The following CUL4A variants were observed in gnomAD, a reference collection of about 807,000 sequenced individuals.
CUL4A encodes cullin 4A, also known as cullin-4A.
A neutral mutation model predicts 95.5 loss-of-function variants in CUL4A; 16 were observed. The observed-to-expected ratio is 0.17, with a 90% CI of 0.11 to 0.25. The LOEUF is 0.25. Among genes scored for constraint, CUL4A ranks in the 10% least tolerant of loss-of-function variants. CUL4A has a pLI of 1.00. For missense variants in CUL4A, 610 were observed against 937.0 expected (o/e 0.65, Z 4.56); for synonymous variants, 380 against 353.1 (o/e 1.08, Z -0.85).
intron 15 of CUL4A, 83 bp downstream of exon 15, chr13:113,246,146 AT>A: frequency 9.8e-7 from 1 of 1,016,230 alleles, no homozygotes; most frequent in Non-Finnish European, 1.5e-6. Context: ...GAATTGTTGA[AT>A]GGGGAGTTTT....
intron 18 of CUL4A, among the ~76,000 whole-genome samples, chr13:113,257,399 T>A (rs2139295052): frequency 6.6e-6 from 1 of 152,276 alleles, no homozygotes; most frequent in East Asian, 1.9e-4. Context: ...ACTGGGTAAT[T>A]TATAAAGAAG....
chr13:113,234,371 CAT>C (rs1170773370), intron 7 of CUL4A, among the ~76,000 whole-genome samples: 1 of 152,044 alleles, frequency 6.6e-6, no homozygotes, highest in African/African-American at 2.4e-5. Flanking sequence ...TGCGAAAAAA[CAT>C]GTAGTAGTAA....
At chr13:113,220,380 T>TCAAGAGATCAGTGA (rs2040852517) in intron 3 of CUL4A, among the ~76,000 whole-genome samples, 1 of 152,326 alleles carries the variant, frequency 6.6e-6, no homozygotes, top group South Asian at 2.1e-4. Flanking sequence ...ATGAGGTCGT[T>TCAAGAGATCAGTGA]CAAGAGATCA....
chr13:113,214,214 G>A (rs2040559983), intron 2 of CUL4A, among the ~76,000 whole-genome samples: 1 of 152,132 alleles, frequency 6.6e-6, no homozygotes, highest in African/African-American at 2.4e-5. Flanking sequence ...GCCTCAGCTG[G>A]CCTGTTGTTT....
At chr13:113,256,871 A>T (rs2042132747) in intron 18 of CUL4A, among the ~76,000 whole-genome samples, 1 of 132,408 alleles carries the variant, frequency 7.6e-6, no homozygotes, top group Non-Finnish European at 1.6e-5. Flanking sequence ...CTTACTGATT[A>T]GTAGGTTTTC....
chr13:113,232,344 G>A (rs773166938), intron 5 of CUL4A, among the ~76,000 whole-genome samples: 14 of 151,304 alleles, frequency 9.3e-5, no homozygotes, highest in South Asian at 4.2e-4. Context: ...TACTGTCACC[G>A]CCACCACCGC....
At chr13:113,256,851 T>A (rs1247269259) in intron 18 of CUL4A, among the ~76,000 whole-genome samples, 2 of 151,770 alleles carry the variant, frequency 1.3e-5, no homozygotes, top group African/African-American at 4.8e-5. Context: ...TTCATTATAA[T>A]GTTTTTTCTC....
At chr13:113,214,067 T>G (rs1357238609) in intron 2 of CUL4A, among the ~76,000 whole-genome samples, 10 of 152,264 alleles carry the variant, frequency 6.6e-5, no homozygotes, top group Admixed American at 6.5e-4. Flanking sequence ...TGGTGTATAC[T>G]TTGCCAAAGA....
At chr13:113,232,133 T>TACCTGCCCACCACCATTACTGTCACCACC (rs1566343345) in intron 5 of CUL4A, among the ~76,000 whole-genome samples, 14 of 85,638 alleles carry the variant, frequency 1.6e-4, no homozygotes, top group Non-Finnish European at 3.1e-4. Context: ...CTGTCACCAC[T>TACCTGCCCACCACCATTACTGTCACCACC]ACCCGCCCAC....
intron 3 of CUL4A, among the ~76,000 whole-genome samples, chr13:113,225,195 A>G (rs948135181): frequency 6.6e-6 from 1 of 152,200 alleles, no homozygotes. Flanking sequence ...GAAGTGAGAA[A>G]AAGGATGGTT....
At chr13:113,219,475 A>G in intron 3 of CUL4A, 1 of 159,124 alleles carries the variant, frequency 6.3e-6, no homozygotes, top group Non-Finnish European at 1.4e-5. Flanking sequence ...GGGCAGAGTC[A>G]AGGTGTCAGC....
chr13:113,263,260 A>G (rs960841228), intron 19 of CUL4A, among the ~76,000 whole-genome samples: 2 of 152,234 alleles, frequency 1.3e-5, no homozygotes, highest in Non-Finnish European at 2.9e-5. Flanking sequence ...ATAAACTCAC[A>G]TGGACGCTTT....
At chr13:113,235,779 A>G (rs1288683825) in intron 8 of CUL4A, among the ~76,000 whole-genome samples, 4 of 151,932 alleles carry the variant, frequency 2.6e-5, no homozygotes, top group South Asian at 2.1e-4. Flanking sequence ...GACCATCCTG[A>G]CCAACATGGT....
intron 2 of CUL4A, among the ~76,000 whole-genome samples, chr13:113,210,653 C>G (rs2040382247): frequency 6.6e-6 from 1 of 152,174 alleles, no homozygotes; most frequent in Admixed American, 6.5e-5. Context: ...GTACATTTTA[C>G]CATACTTGGA....
chr13:113,261,714 C>A (rs776214121), intron 19 of CUL4A, among the ~76,000 whole-genome samples: 18 of 152,108 alleles, frequency 1.2e-4, no homozygotes, highest in Non-Finnish European at 2.5e-4. Flanking sequence ...AGTGGCAGAC[C>A]AGGGCGCCCA....
At chr13:113,209,052 G>A, upstream of CUL4A, 2 of 277,232 alleles carry the variant, frequency 7.2e-6, no homozygotes, top group Non-Finnish European at 1.1e-5. Context: ...GGGGGAGGGG[G>A]AGGGACATGG....
chr13:113,235,742 G>T (rs138315200), intron 8 of CUL4A, among the ~76,000 whole-genome samples: 31 of 152,092 alleles, frequency 2.0e-4, no homozygotes, highest in Admixed American at 5.9e-4. Flanking sequence ...AGGCTGAGGT[G>T]GGCAGATCAC....
chr13:113,221,816 T>G (rs1398798107), intron 3 of CUL4A, among the ~76,000 whole-genome samples: 1 of 152,208 alleles, frequency 6.6e-6, no homozygotes, highest in Non-Finnish European at 1.5e-5. Context: ...GACCTCGTGA[T>G]CCACCTGCCT....
chr13:113,235,927 C>T (rs955918190), intron 8 of CUL4A, among the ~76,000 whole-genome samples: 6 of 150,204 alleles, frequency 4.0e-5, no homozygotes, highest in Non-Finnish European at 7.4e-5. Context: ...GCCGAGATCA[C>T]GCCACTGCAC....
Sources: gnomAD v4.1 joint callset for allele counts (sites outside exome capture counted in the v4.1 genomes callset) on GRCh38, gnomAD v4.1.1 for gene constraint, MANE v1.5 for transcripts, NCBI Gene and HGNC (gene_info 2026-07-23, HGNC 2026-07-21) for gene names.